NTRK1: variants seen among roughly 807,000 people sequenced by gnomAD.
NTRK1 encodes neurotrophic receptor tyrosine kinase 1.
Under a neutral mutation model 86.8 loss-of-function variants are expected in NTRK1, and 62 were observed. The observed-to-expected ratio is 0.71, with a 90% CI of 0.58 to 0.88. The LOEUF is 0.88. Among genes scored for constraint, NTRK1 ranks in the 40% least tolerant of loss-of-function variants. The pLI is 0.00. For synonymous variants in NTRK1, 469 were observed against 456.6 expected (o/e 1.03, Z -0.35); for missense variants, 967 against 1,078.4 (o/e 0.90, Z 1.45).
upstream of NTRK1, among the ~76,000 whole-genome samples, chr1:156,859,362 C>G (rs1655526837): frequency 6.6e-6 from 1 of 152,150 alleles, no homozygotes. The surrounding 1 kb of genome is among the most constrained non-coding windows in gnomAD (Gnocchi z 6.2). Context: ...ACCCTTTGTC[C>G]CCACCACAGG....
Position 156,849,071 on chromosome 1 carries a change from C to G in NTRK1, c.50+6878C>G, listed in dbSNP as rs1213004953. On this transcript the variant is annotated intron_variant, in intron 2 of 16. Coordinates refer to the NTRK1 transcript ENST00000392302. ...GCCTGGGTGGGGCGAGGGGCCTGCT[C>G]GCAACCGCGCCTGCCAGCTGCTTGA... The G allele has an allele frequency of 3.1e-6, 5 of 1,604,902 alleles. No individual in the cohort carries two copies. The East Asian group carries it at 6.7e-5, about 22-fold the overall frequency.
chr1:156,845,560 A>AACCCC, intron 2 of NTRK1: 2 of 1,348,674 alleles, frequency 1.5e-6, no homozygotes, highest in Non-Finnish European at 2.0e-6. Context: ...CTCCCGCAAG[A>AACCCC]CCCGCCCCTC....
At chr1:156,845,763 C>A (rs1482304888) in intron 2 of NTRK1, 1 of 1,613,412 alleles carries the variant, frequency 6.2e-7, no homozygotes, top group Non-Finnish European at 8.5e-7. Context: ...CTCAGGATCC[C>A]CGTCTTCGCC....
Position 156,834,892 on chromosome 1 carries a change from G to A in NTRK1, c.-63-7189G>A, listed in dbSNP as rs182287923. 1.3e-4 allele frequency among the ~76,000 whole-genome samples: 20 copies of A among 152,216 alleles called. No homozygotes were observed. In the East Asian group the frequency reaches 3.7e-3, roughly 28 times the overall value. The stretch of plus-strand genomic sequence containing the variant: ...AGGAAGAATTTGGGGAAGGCCTCAA[G>A]GGGTGTGATGGTCCACACTTCGACT... On this transcript the variant is annotated intron_variant, in intron 1 of 16. Transcript: ENST00000392302.
At chr1:156,827,393 G>A (rs1170749818) in intron 1 of NTRK1, among the ~76,000 whole-genome samples, 1 of 151,994 alleles carries the variant, frequency 6.6e-6, no homozygotes. Flanking sequence ...CTCCCAAGTA[G>A]CTGGGATTAC....
intron 2 of NTRK1, chr1:156,846,658 C>A: frequency 1.9e-6 from 3 of 1,614,198 alleles, no homozygotes; most frequent in Non-Finnish European, 2.5e-6. Context: ...TCACCCCTGG[C>A]TCCTGGGTGC....
rs768142468 is a variant in NTRK1, at chr1:156,879,984, G to A, written c.2047-15G>A. 3 of 1,612,198 alleles carry A rather than the reference G, an allele frequency of 1.9e-6. No homozygotes were observed. Among genetic ancestry groups the A allele is most frequent in the African/African-American group, 1.3e-5 (1 of 75,020 alleles). Reference sequence around the variant, plus strand: ...CAGGCGCCCCTGGAATTGATGCAGTGTCCGCCCGTGGCAGGTGGGAGGCCG... The same window carrying A: ...CAGGCGCCCCTGGAATTGATGCAGTATCCGCCCGTGGCAGGTGGGAGGCCG... On this transcript the variant is annotated splice_polypyrimidine_tract_variant and intron_variant, in intron 15 of 16. Transcript: ENST00000524377.
intron 1 of NTRK1, among the ~76,000 whole-genome samples, chr1:156,828,685 A>G (rs933424606): frequency 6.6e-6 from 1 of 152,218 alleles, no homozygotes. Context: ...GTGACTGTGA[A>G]GCAATGGAAG....
At position 156,872,013 on chromosome 1, in the gene NTRK1, T is replaced by G. The variant is rs188676459; in HGVS notation, c.850+258T>G. Reference sequence around the variant, plus strand: ...GCTACCTGAGGCCCTCAACGCCAGATGCCCGGCTGTTCCCACTGCTCCGAA... The same window carrying G: ...GCTACCTGAGGCCCTCAACGCCAGAGGCCCGGCTGTTCCCACTGCTCCGAA... On this transcript the variant is annotated intron_variant, in intron 7 of 16. Coordinates refer to ENST00000524377, the MANE Select transcript of NTRK1 (RefSeq NM_002529.4). Among the ~76,000 whole-genome samples the G allele has an allele frequency of 2.8e-3, 428 of 152,274 alleles. 9 individuals are homozygous for G. Among genetic ancestry groups the G allele is most frequent in the Admixed American group, 0.025 (382 of 15,292 alleles).
chr1:156,867,887 A>C (rs551781508), intron 4 of NTRK1, among the ~76,000 whole-genome samples: 35 of 144,676 alleles, frequency 2.4e-4, no homozygotes, highest in Admixed American at 1.4e-3. Flanking sequence ...GTTAGCCAGG[A>C]TGGTCTCGAT....
chr1:156,875,214 G>T (rs1252348684), intron 11 of NTRK1, among the ~76,000 whole-genome samples: 1 of 151,880 alleles, frequency 6.6e-6, no homozygotes, highest in South Asian at 2.1e-4. Flanking sequence ...TGCTGGGGTA[G>T]TTTCAGAGGC....
intron 15 of NTRK1, 144 bp from the exon 16 acceptor site, chr1:156,879,855 A>G: frequency 2.1e-6 from 2 of 970,694 alleles, no homozygotes; most frequent in Middle Eastern, 3.2e-4. Flanking sequence ...GTGATTGCCC[A>G]CCTCGGCCTC....
Position 156,853,941 on chromosome 1 carries a change from G to A in NTRK1, c.51-10413G>A, listed in dbSNP as rs1334953552. On this transcript the variant is annotated intron_variant, in intron 2 of 16. Transcript: ENST00000392302. ...AGCAGTCCCCAGTCAATGGTGGAGAGGTGGCAGAGCTCCTGGTTCTTCTCC... is the reference window on the plus strand; with the variant it reads ...AGCAGTCCCCAGTCAATGGTGGAGAAGTGGCAGAGCTCCTGGTTCTTCTCC... The A allele has an allele frequency of 2.5e-6, 4 of 1,613,730 alleles. No individual in the cohort carries two copies. The highest frequency in any genetic ancestry group is 4.5e-5 in the East Asian group (2 of 44,876).
intron 1 of NTRK1, among the ~76,000 whole-genome samples, chr1:156,825,960 A>G (rs536848604): frequency 1.3e-5 from 2 of 152,338 alleles, no homozygotes; most frequent in South Asian, 4.1e-4. Context: ...TGACTTGCCC[A>G]GGGCCACACA....
intron 2 of NTRK1, chr1:156,851,538 G>C: frequency 6.2e-7 from 1 of 1,604,442 alleles, no homozygotes; most frequent in Non-Finnish European, 8.5e-7. Context: ...CTCAGGACTG[G>C]GACCCAGGAT....
intron 1 of NTRK1, among the ~76,000 whole-genome samples, chr1:156,819,797 G>A (rs111339741): frequency 0.033 from 4,958 of 152,242 alleles, 320 homozygotes; most frequent in African/African-American, 0.11. Flanking sequence ...GGGATTACAG[G>A]CATGAGCCAT....
At chr1:156,881,115 T>C (rs1272308793) in intron 16 of NTRK1, among the ~76,000 whole-genome samples, 1 of 152,194 alleles carries the variant, frequency 6.6e-6, no homozygotes, top group African/African-American at 2.4e-5. Context: ...CTCCTCCTCC[T>C]TTCAGCCCCC....
intron 10 of NTRK1, 40 bp downstream of exon 10, chr1:156,874,666 G>A (rs777604116): frequency 8.8e-6 from 14 of 1,588,690 alleles, no homozygotes; most frequent in Non-Finnish European, 1.2e-5. Context: ...CTTTGGGACC[G>A]GGAGGCTGGG....
chr1:156,853,686 G>T, intron 2 of NTRK1: 2 of 1,483,628 alleles, frequency 1.3e-6, no homozygotes. Flanking sequence ...CCATCCTGTG[G>T]CCACCCAGCC....
Sources: gnomAD v4.1 joint callset for allele counts (sites outside exome capture counted in the v4.1 genomes callset) on GRCh38, gnomAD v4.1.1 for gene constraint, Gnocchi (gnomAD v3.1) non-coding constraint, MANE v1.5 for transcripts, NCBI Gene and HGNC (gene_info 2026-07-23, HGNC 2026-07-21) for gene names.